The following FN3KRP variants were observed in gnomAD, a reference collection of about 807,000 sequenced individuals.
FN3KRP encodes ketosamine-3-kinase.
FN3KRP carries 33 observed loss-of-function variants against 29.8 expected under a neutral mutation model. The observed-to-expected ratio is 1.11, with a 90% CI of 0.84 to 1.48. FN3KRP has a LOEUF of 1.48. FN3KRP is among the 40% of genes most tolerant of loss of function. The pLI, the probability that FN3KRP is intolerant of heterozygous loss-of-function variation, is 0.00. For missense variants in FN3KRP, 430 were observed against 402.6 expected (o/e 1.07, Z -0.58); for synonymous variants, 157 against 155.2 (o/e 1.01, Z -0.09).
At chr17:82,725,385 G>A (rs1311985890) in intron 4 of FN3KRP, among the ~76,000 whole-genome samples, 1 of 152,074 alleles carries the variant, frequency 6.6e-6, no homozygotes, top group African/African-American at 2.4e-5. Context: ...TCCCACCTCA[G>A]CCACGCAAAA....
In FN3KRP at chr17:82,727,328, C is replaced by G; in HGVS notation, c.*157C>G. 1 of 692,496 alleles carries G rather than the reference C, an allele frequency of 1.4e-6. No individual in the cohort carries two copies. Among genetic ancestry groups the G allele is most frequent in the Non-Finnish European group, 2.4e-6 (1 of 424,368 alleles). 42.9% of individuals were successfully genotyped at this position (692,496 alleles called of 1,614,324 possible). On this transcript the variant is annotated 3_prime_UTR_variant, in exon 6 of 6. Coordinates refer to ENST00000269373, the MANE Select transcript of FN3KRP (RefSeq NM_024619.4). ...TAATATCTAAGAGGAAAGGTTTTGT[C>G]ATCCCAGCGTTGTCCACTTTGTGGG...
At chr17:82,724,887 C>A (rs990889775) in intron 4 of FN3KRP, among the ~76,000 whole-genome samples, 1 of 151,894 alleles carries the variant, frequency 6.6e-6, no homozygotes, top group Non-Finnish European at 1.5e-5. Flanking sequence ...TGGCTCACTG[C>A]AAGTTCCGCC....
intron 4 of FN3KRP, among the ~76,000 whole-genome samples, chr17:82,725,689 T>G (rs2046831970): frequency 6.6e-6 from 1 of 152,158 alleles, no homozygotes; most frequent in Non-Finnish European, 1.5e-5. Context: ...GGACTTATGC[T>G]CTGACCCAGT....
At chr17:82,720,391 TC>T (rs1403435341) in intron 3 of FN3KRP, 28 bp downstream of exon 3, 1 of 1,580,174 alleles carries the variant, frequency 6.3e-7, no homozygotes, top group African/African-American at 1.3e-5. Flanking sequence ...CCACGGGTGC[TC>T]CCGCCTAGAG....
At position 82,726,817 on chromosome 17, in the gene FN3KRP, AT is replaced by A; in HGVS notation, c.592-12del. 2 of 1,524,140 alleles carry A rather than the reference AT, an allele frequency of 1.3e-6. No homozygotes were observed. Among genetic ancestry groups the A allele is most frequent in the Non-Finnish European group, 1.8e-6 (2 of 1,138,408 alleles). The allele number at this position is 1,524,140 out of a possible 1,614,324, so 94.4% of individuals were successfully genotyped here. ...GCGTTGATCAATTTGCTGAGGCTCC[AT>A]TTTCCTCCCTGCAGTTAAAGATCCC... is the stretch of plus-strand genomic sequence containing the variant. On this transcript the variant is annotated splice_polypyrimidine_tract_variant and intron_variant, in intron 5 of 5. Transcript: ENST00000269373.
At chr17:82,719,775 C>A (rs2046785459) in intron 2 of FN3KRP, among the ~76,000 whole-genome samples, 1 of 151,790 alleles carries the variant, frequency 6.6e-6, no homozygotes, top group South Asian at 2.1e-4. Flanking sequence ...AAAAAAAAAC[C>A]ACTGCAAACT....
intron 2 of FN3KRP, among the ~76,000 whole-genome samples, chr17:82,719,476 C>T (rs1165591055): frequency 1.3e-5 from 2 of 152,256 alleles, no homozygotes; most frequent in East Asian, 1.9e-4. Context: ...CGCTGCACGC[C>T]GGCCGCGGTG....
intron 1 of FN3KRP, 104 bp from the exon 2 acceptor site, chr17:82,718,802 T>G: frequency 7.2e-7 from 1 of 1,387,018 alleles, no homozygotes; most frequent in Non-Finnish European, 1.0e-6. Flanking sequence ...GTCAGGATAG[T>G]CTTGGTTTGA....
Position 82,727,516 on chromosome 17 carries a change from G to A in FN3KRP, c.*345G>A, listed in dbSNP as rs1268865577. ...TCCGGTGCGCAGGGAGGTGGCCAGC[G>A]CCCCCGGGCACTGCTGCTCATAGGT... On this transcript the variant is annotated 3_prime_UTR_variant, in exon 6 of 6. Transcript: ENST00000269373. 4 of 218,192 alleles carry A rather than the reference G, an allele frequency of 1.8e-5. No individual in the cohort carries two copies. The highest frequency in any genetic ancestry group is 9.8e-5 in the East Asian group (1 of 10,206). 13.5% of individuals were successfully genotyped at this position (218,192 alleles called of 1,614,324 possible).
rs2046850109 is a variant in FN3KRP at position 82,727,882 on chromosome 17, A to G, written c.*711A>G. The G allele has an allele frequency of 6.6e-6, 1 of 152,230 alleles. No homozygotes were observed. Among genetic ancestry groups the G allele is most frequent in the Non-Finnish European group, 1.5e-5 (1 of 68,050 alleles). 9.4% of individuals were successfully genotyped at this position (152,230 alleles called of 1,614,324 possible). ...TGCTGAGTTGTCATTCCTTTGCAAC[A>G]TTAAAATACATGCTGAACTCATATT... is the stretch of plus-strand genomic sequence containing the variant. On this transcript the variant is annotated 3_prime_UTR_variant, in exon 6 of 6. Coordinates refer to ENST00000269373, the MANE Select transcript of FN3KRP (RefSeq NM_024619.4).
At chr17:82,724,083 A>C (rs1214734494) in intron 4 of FN3KRP, among the ~76,000 whole-genome samples, 2 of 150,500 alleles carry the variant, frequency 1.3e-5, no homozygotes, top group African/African-American at 4.9e-5. Context: ...GCTTGAGCCC[A>C]GCAGTTCGAG....
intron 4 of FN3KRP, 118 bp from the exon 5 acceptor site, chr17:82,726,362 C>T: frequency 1.5e-6 from 2 of 1,309,300 alleles, no homozygotes; most frequent in Non-Finnish European, 2.1e-6. Flanking sequence ...CTGTGACTGC[C>T]ACCCCTCCCA....
At position 82,726,967 on chromosome 17, in the gene FN3KRP, G is replaced by A. The variant is rs146293327; in HGVS notation, c.726G>A (p.Ser242=). 1,190 of 1,613,942 alleles carry A rather than the reference G, an allele frequency of 7.4e-4. 5 individuals carry two copies. Among genetic ancestry groups the A allele is most frequent in the Non-Finnish European group, 5.2e-4 (610 of 1,179,982 alleles). The change falls in exon 6 of 6, where the codon TCG becomes TCA. Residue 242 remains serine, a synonymous_variant. Coordinates refer to ENST00000269373, the MANE Select transcript of FN3KRP (RefSeq NM_024619.4). ...IFDPASFYGH[S]EYELAIAGMF... ...ACCCAGCTTCTTTCTACGGCCACTCGGAATATGAGCTGGCAATAGCTGGCA... is the reference window on the plus strand; with the variant it reads ...ACCCAGCTTCTTTCTACGGCCACTCAGAATATGAGCTGGCAATAGCTGGCA...
intron 4 of FN3KRP, among the ~76,000 whole-genome samples, chr17:82,723,594 CATGTGTATGTGCACGCATGTGTGCAT>C (rs1165901319): frequency 2.0e-5 from 3 of 151,814 alleles, no homozygotes; most frequent in Admixed American, 6.6e-5. Context: ...CATATGTGTG[CATGTGTATGTGCACGCATGTGTGCAT>C]ATGTGTATGT....
In FN3KRP at chr17:82,723,385, T is replaced by C. The variant is rs530098900; in HGVS notation, c.468+499T>C. Among the ~76,000 whole-genome samples, 123 of 152,246 alleles carry C rather than the reference T, an allele frequency of 8.1e-4. 1 individual carries two copies. Among genetic ancestry groups the C allele is most frequent in the African/African-American group, 2.7e-3 (113 of 41,556 alleles). ...TAGAAAGACTTTGAAATGTTGAAGT[T>C]TGTTCAGAAACCTGCTTAGGGGCGG... On this transcript the variant is annotated intron_variant, in intron 4 of 5. Transcript: ENST00000269373.
chr17:82,723,029 T>G, intron 4 of FN3KRP, 143 bp downstream of exon 4: 1 of 727,332 alleles, frequency 1.4e-6, no homozygotes, highest in Admixed American at 3.2e-5. Context: ...TTTGAGAGGT[T>G]GACGTAAGAT....
In FN3KRP at chr17:82,719,050, C is replaced by G. The variant is rs2046779765; in HGVS notation, c.286C>G (p.Leu96Val). 2 of 1,605,572 alleles carry G rather than the reference C, an allele frequency of 1.2e-6. No individual in the cohort carries two copies. Among genetic ancestry groups the G allele is most frequent in the Non-Finnish European group, 1.7e-6 (2 of 1,177,992 alleles). ...LVMEHMDMRH[L>V]SSHAAKLGAQ... is the part of the protein sequence containing the mutation. ...GATGGAGCACATGGACATGAGGCAT[C>G]TGAGCAGGTGCATCTTCACACCACC... Residue 96 changes from leucine to valine, a missense_variant, in exon 2 of 6, where the codon CTG becomes GTG. Physicochemically the swap from Leu to Val is conservative, Grantham distance 32. Coordinates refer to ENST00000269373, the MANE Select transcript of FN3KRP (RefSeq NM_024619.4).
intron 4 of FN3KRP, among the ~76,000 whole-genome samples, chr17:82,723,368 C>G (rs1321480588): frequency 6.6e-6 from 1 of 151,860 alleles, no homozygotes; most frequent in Non-Finnish European, 1.5e-5. Context: ...AGTAGAAAGA[C>G]TTTGAAATGT....
At position 82,720,317 on chromosome 17, in the gene FN3KRP, T is replaced by A; in HGVS notation, c.339T>A (p.Asp113Glu). ...CCCAGCTGGCCGATTTACACCTTGA[T>A]AACAAGAAGCTTGGAGAGATGCGCC... ...LGAQLADLHL[D>E]NKKLGEMRLK... The change falls in exon 3 of 6, where the codon GAT becomes GAA. Residue 113 changes from aspartate to glutamate, a missense_variant. Physicochemically the swap from Asp to Glu is conservative, Grantham distance 45 (BLOSUM62 2). Coordinates refer to ENST00000269373, the MANE Select transcript of FN3KRP (RefSeq NM_024619.4). The A allele has an allele frequency of 1.2e-6, 2 of 1,614,072 alleles. No individual in the cohort carries two copies. Among genetic ancestry groups the A allele is most frequent in the Non-Finnish European group, 1.7e-6 (2 of 1,180,000 alleles).
Sources: gnomAD v4.1 joint callset for allele counts (sites outside exome capture counted in the v4.1 genomes callset) on GRCh38, gnomAD v4.1.1 for gene constraint, MANE v1.5 for transcripts, NCBI Gene and HGNC (gene_info 2026-07-23, HGNC 2026-07-21) for gene names.